Variants in ARHGAP11B observed in about 807,000 individuals in gnomAD.
ARHGAP11B encodes Rho GTPase activating protein 11B, also known as inactive Rho GTPase-activating protein 11B.
In ARHGAP11B, 14 loss-of-function variants were observed where a neutral mutation model predicts 27.6. The ratio of observed to expected loss-of-function variants is 0.51; its 90% CI spans 0.34 to 0.79. The LOEUF (loss-of-function observed/expected upper bound fraction) is 0.79, where lower values mean the gene tolerates loss of function less well. Among genes scored for constraint, ARHGAP11B ranks in the 30% least tolerant of loss-of-function variants. ARHGAP11B has a pLI of 0.02. For missense variants in ARHGAP11B, 245 were observed against 320.1 expected (o/e 0.77, Z 1.79); for synonymous variants, 82 against 114.1 (o/e 0.72, Z 1.80).
chr15:30,634,119 C>T lies in ARHGAP11B; in HGVS notation c.298-51C>T, dbSNP rs373113625. On this transcript the variant is annotated intron_variant, in intron 3 of 10. Coordinates refer to ENST00000428041, the Ensembl canonical transcript of ARHGAP11B. ...AGTATAACAAAAGATTCTTTATTTG[C>T]AATAAACTCTTAAGTTGCCAAAATA... The T allele has an allele frequency of 1.7e-5, 27 of 1,603,360 alleles. No individual in the cohort carries two copies. The African/African-American group carries it at 3.5e-4, about 21-fold the overall frequency.
At chr15:30,638,779 C>G (rs1368249423) in exon 7 of ARHGAP11B, 4 of 1,488,590 alleles carry the variant, frequency 2.7e-6, no homozygotes, top group Non-Finnish European at 3.6e-6. Context: ...AAATTTAAAC[C>G]TAACAGAACA....
chr15:30,627,398 G>A (rs2060216685), intron 1 of ARHGAP11B, among the ~76,000 whole-genome samples: 1 of 151,984 alleles, frequency 6.6e-6, no homozygotes, highest in Non-Finnish European at 1.5e-5. Context: ...CTCCACCCTT[G>A]TTTTAGAGTA....
chr15:30,641,005 A>G (rs1474979083), intron 7 of ARHGAP11B, among the ~76,000 whole-genome samples: 1 of 151,528 alleles, frequency 6.6e-6, no homozygotes, highest in Admixed American at 6.6e-5. Context: ...TTAGCATTAC[A>G]TTTTCCCCAA....
chr15:30,640,247 G>T (rs1044501470), intron 7 of ARHGAP11B, among the ~76,000 whole-genome samples: 5 of 124,352 alleles, frequency 4.0e-5, no homozygotes, highest in South Asian at 3.1e-4. Flanking sequence ...GTTTGAAAAT[G>T]AGGGTATTTT....
intron 1 of ARHGAP11B, among the ~76,000 whole-genome samples, chr15:30,629,064 T>C (rs183974206): frequency 1.2e-4 from 19 of 152,208 alleles, no homozygotes; most frequent in African/African-American, 4.1e-4. Flanking sequence ...ATGATGATCA[T>C]AAGATTAACA....
exon 1 of ARHGAP11B, chr15:30,626,724 C>G (rs2060209844): frequency 6.7e-7 from 1 of 1,498,436 alleles, no homozygotes; most frequent in Non-Finnish European, 8.9e-7. Flanking sequence ...AGCAGCCGAG[C>G]GGAGTTCAAA....
chr15:30,644,176 C>T (rs1165267765), intron 7 of ARHGAP11B, among the ~76,000 whole-genome samples: 3 of 151,934 alleles, frequency 2.0e-5, no homozygotes, highest in Non-Finnish European at 4.4e-5. Flanking sequence ...TTATGTCCTG[C>T]CTCTTTTGAA....
intron 7 of ARHGAP11B, among the ~76,000 whole-genome samples, chr15:30,639,718 T>G (rs1167413108): frequency 6.6e-6 from 1 of 151,998 alleles, no homozygotes; most frequent in African/African-American, 2.4e-5. Context: ...GAAAAGGAAG[T>G]CCATCAAGCA....
In ARHGAP11B at chr15:30,632,054, A is replaced by G. The variant is rs2060249213; in HGVS notation, c.200+1281A>G. 8.9e-5 allele frequency among the ~76,000 whole-genome samples: 13 copies of G among 146,788 alleles called. No individual in the cohort carries two copies. The South Asian group carries it at 2.5e-3, about 28-fold the overall frequency. On this transcript the variant is annotated intron_variant, in intron 2 of 10. Transcript: ENST00000428041. ...ACCTGCTTCAGCCTCCCAAAGTGCTAGGATTACAGGCGTGAGCCACTGTGC... is the reference window on the plus strand; with the variant it reads ...ACCTGCTTCAGCCTCCCAAAGTGCTGGGATTACAGGCGTGAGCCACTGTGC...
chr15:30,627,005 C>T, intron 1 of ARHGAP11B, 56 bp downstream of exon 1: 1 of 1,605,488 alleles, frequency 6.2e-7, no homozygotes, highest in South Asian at 1.1e-5. Flanking sequence ...CCTTTATCAT[C>T]ACTTATTAGC....
chr15:30,631,379 T>C (rs2060244151), intron 2 of ARHGAP11B, among the ~76,000 whole-genome samples: 1 of 152,038 alleles, frequency 6.6e-6, no homozygotes, highest in Admixed American at 6.6e-5. Flanking sequence ...AAAAAAATAT[T>C]GGCCAGGCAC....
intron 1 of ARHGAP11B, 110 bp from the exon 2 acceptor site, chr15:30,630,593 T>C (rs1296525618): frequency 6.4e-6 from 10 of 1,567,942 alleles, no homozygotes; most frequent in East Asian, 4.5e-5. Flanking sequence ...TAGTTTATCA[T>C]TTATTTCTGA....
intron 1 of ARHGAP11B, among the ~76,000 whole-genome samples, chr15:30,628,738 G>C (rs1240486609): frequency 2.0e-5 from 3 of 152,062 alleles, no homozygotes; most frequent in African/African-American, 7.2e-5. Flanking sequence ...TGTGTTATGA[G>C]ATCTAATGGG....
At chr15:30,629,367 C>A (rs992169119) in intron 1 of ARHGAP11B, among the ~76,000 whole-genome samples, 1 of 39,118 alleles carries the variant, frequency 2.6e-5, no homozygotes, top group Non-Finnish European at 6.3e-5. Context: ...CACGGTGAAC[C>A]CCCCCCGCCC....
At chr15:30,635,117 G>A (rs1266034739) in exon 5 of ARHGAP11B, 1 of 1,613,556 alleles carries the variant, frequency 6.2e-7, no homozygotes, top group Non-Finnish European at 8.5e-7. Flanking sequence ...CAATCTTGCA[G>A]TAATATTTGC....
chr15:30,627,929 A>G (rs1348771192), intron 1 of ARHGAP11B, among the ~76,000 whole-genome samples: 1 of 151,956 alleles, frequency 6.6e-6, no homozygotes, highest in Non-Finnish European at 1.5e-5. Flanking sequence ...TAGCAAATTA[A>G]TGGCAATACA....
intron 5 of ARHGAP11B, 57 bp from the exon 6 acceptor site, chr15:30,635,430 T>C (rs2060273473): frequency 6.4e-7 from 1 of 1,559,624 alleles, no homozygotes; most frequent in Middle Eastern, 1.7e-4. Context: ...CTAAACATTT[T>C]TGGGGAAGAG....
At chr15:30,640,101 T>C (rs1223888108) in intron 7 of ARHGAP11B, among the ~76,000 whole-genome samples, 1 of 141,884 alleles carries the variant, frequency 7.0e-6, no homozygotes, top group African/African-American at 2.6e-5. Flanking sequence ...TTTATGTGAT[T>C]AGACATCCTG....
At chr15:30,628,324 G>A (rs1273373431) in intron 1 of ARHGAP11B, among the ~76,000 whole-genome samples, 3 of 151,694 alleles carry the variant, frequency 2.0e-5, no homozygotes, top group Admixed American at 2.0e-4. Context: ...CTCGTGATCC[G>A]CCCGCCTCGG....
Sources: gnomAD v4.1 joint callset for allele counts (sites outside exome capture counted in the v4.1 genomes callset) on GRCh38, gnomAD v4.1.1 for gene constraint, MANE v1.5 for transcripts, NCBI Gene and HGNC (gene_info 2026-07-23, HGNC 2026-07-21) for gene names.